Variants in ALCAM observed in about 807,000 individuals in gnomAD.
ALCAM encodes CD166 antigen.
ALCAM carries 30 observed loss-of-function variants against 70.9 expected under a neutral mutation model. That is an observed-to-expected ratio of 0.42 (90% CI 0.32 to 0.57). The LOEUF (loss-of-function observed/expected upper bound fraction) is 0.57. Among genes scored for constraint, ALCAM ranks in the 20% least tolerant of loss-of-function variants. The pLI is 0.11. For synonymous variants in ALCAM, 249 were observed against 242.5 expected (o/e 1.03, Z -0.25); for missense variants, 591 against 695.1 (o/e 0.85, Z 1.68).
chr3:105,483,994 TTTTC>T (rs1485803096), intron 1 of ALCAM, among the ~76,000 whole-genome samples: 1 of 152,102 alleles, frequency 6.6e-6, no homozygotes. Context: ...TTCTCATGTT[TTTTC>T]TTTATTTGTA....
At chr3:105,369,334 T>C (rs1352268288) in intron 1 of ALCAM, among the ~76,000 whole-genome samples, 1 of 152,168 alleles carries the variant, frequency 6.6e-6, no homozygotes, top group African/African-American at 2.4e-5. Flanking sequence ...GTGGTTCTTT[T>C]GGCGCCACAG....
intron 9 of ALCAM, among the ~76,000 whole-genome samples, chr3:105,546,185 T>A (rs1449964474): frequency 6.8e-6 from 1 of 147,968 alleles, no homozygotes; most frequent in African/African-American, 2.5e-5. Context: ...GAGCATGACA[T>A]GTGACAAGAA....
chr3:105,474,092 G>T (rs968880439), intron 1 of ALCAM, among the ~76,000 whole-genome samples: 2 of 151,476 alleles, frequency 1.3e-5, no homozygotes, highest in African/African-American at 2.4e-5. Flanking sequence ...TGTAGCATTT[G>T]GTTTCATTCT....
At chr3:105,405,526 A>G (rs544548686) in intron 1 of ALCAM, among the ~76,000 whole-genome samples, 1 of 152,272 alleles carries the variant, frequency 6.6e-6, no homozygotes, top group Non-Finnish European at 1.5e-5. Context: ...GACACAATGG[A>G]CTTAAACTAT....
intron 1 of ALCAM, among the ~76,000 whole-genome samples, chr3:105,434,181 A>C (rs1936999255): frequency 6.6e-6 from 1 of 152,194 alleles, no homozygotes. Context: ...TATGGAACTA[A>C]TAATGTGTTG....
intron 14 of ALCAM, among the ~76,000 whole-genome samples, chr3:105,565,720 G>C (rs770856604): frequency 3.9e-4 from 59 of 152,288 alleles, no homozygotes; most frequent in Admixed American, 1.6e-3. Flanking sequence ...TTGACAGGTA[G>C]CCAAGTTACT....
At chr3:105,395,226 T>C (rs1576131831) in intron 1 of ALCAM, among the ~76,000 whole-genome samples, 1 of 151,972 alleles carries the variant, frequency 6.6e-6, no homozygotes, top group Non-Finnish European at 1.5e-5. Context: ...TTAAAATATA[T>C]ATTTAGTGAC....
intron 1 of ALCAM, among the ~76,000 whole-genome samples, chr3:105,370,788 C>T (rs1049816269): frequency 6.6e-6 from 1 of 151,664 alleles, no homozygotes; most frequent in Non-Finnish European, 1.5e-5. Context: ...AAAGAGGACC[C>T]AAAAGTAAGA....
chr3:105,503,978 T>A (rs1388698852), intron 1 of ALCAM, among the ~76,000 whole-genome samples: 1 of 152,216 alleles, frequency 6.6e-6, no homozygotes. Context: ...GCATATAATC[T>A]CCATTATTCC....
intron 1 of ALCAM, among the ~76,000 whole-genome samples, chr3:105,368,662 A>AT (rs1935144977): frequency 6.6e-6 from 1 of 152,002 alleles, no homozygotes; most frequent in South Asian, 2.1e-4. Flanking sequence ...AAGCCTCTGA[A>AT]TCTCTCCCAG....
chr3:105,445,125 A>G (rs567093075), intron 1 of ALCAM, among the ~76,000 whole-genome samples: 1 of 152,346 alleles, frequency 6.6e-6, no homozygotes, highest in South Asian at 2.1e-4. Flanking sequence ...AAAATTAATC[A>G]AGCTGTCCTA....
intron 2 of ALCAM, among the ~76,000 whole-genome samples, 172 bp from the exon 3 acceptor site, chr3:105,524,117 A>G (rs913409363): frequency 1.3e-5 from 2 of 152,164 alleles, no homozygotes; most frequent in Non-Finnish European, 2.9e-5. Context: ...CTTCTCTCTT[A>G]TGAAGGATTT....
chr3:105,404,072 C>A (rs984579232), intron 1 of ALCAM, among the ~76,000 whole-genome samples: 24 of 151,762 alleles, frequency 1.6e-4, no homozygotes, highest in African/African-American at 5.6e-4. Context: ...AACAAAGCCT[C>A]GAAGAAGTTT....
rs969641769 is a variant in ALCAM at position 105,410,651 on chromosome 3, A to G, written c.73+43170A>G. On this transcript the variant is annotated intron_variant, in intron 1 of 15. Transcript: ENST00000306107. Reference sequence around the variant, plus strand: ...AAATGCTAACTCATTTATTCTGTTTACCTTTCCGAGGCAGGCAGGTTCAAT... The same window carrying G: ...AAATGCTAACTCATTTATTCTGTTTGCCTTTCCGAGGCAGGCAGGTTCAAT... Among the ~76,000 whole-genome samples the G allele has an allele frequency of 5.3e-5, 8 of 152,034 alleles. 1 individual carries two copies. The highest frequency in any genetic ancestry group is 1.9e-4 in the African/African-American group (8 of 41,414).
At chr3:105,517,562 G>T (rs189528133) in intron 1 of ALCAM, among the ~76,000 whole-genome samples, 1 of 152,244 alleles carries the variant, frequency 6.6e-6, no homozygotes. Context: ...GACATTTCAT[G>T]ATATCATTTG....
intron 1 of ALCAM, among the ~76,000 whole-genome samples, chr3:105,445,716 T>A (rs930395895): frequency 6.6e-6 from 1 of 152,102 alleles, no homozygotes; most frequent in Non-Finnish European, 1.5e-5. Context: ...AGGTGCCAAG[T>A]ATACACGTGA....
At chr3:105,404,002 A>G (rs921627984) in intron 1 of ALCAM, among the ~76,000 whole-genome samples, 3 of 151,370 alleles carry the variant, frequency 2.0e-5, no homozygotes, top group Admixed American at 1.3e-4. Flanking sequence ...GAGCTCAAAG[A>G]CAAGTCTTTT....
At chr3:105,393,884 A>G (rs1235099953) in intron 1 of ALCAM, among the ~76,000 whole-genome samples, 1 of 147,444 alleles carries the variant, frequency 6.8e-6, no homozygotes, top group Non-Finnish European at 1.5e-5. Flanking sequence ...CCATGAAGAT[A>G]CATGTAAGTT....
intron 1 of ALCAM, among the ~76,000 whole-genome samples, chr3:105,448,769 A>G (rs922505081): frequency 1.3e-5 from 2 of 152,172 alleles, no homozygotes; most frequent in African/African-American, 4.8e-5. Flanking sequence ...CCAGTCTGGC[A>G]GGGAACTCGC....
Sources: allele counts gnomAD v4.1 joint callset (sites outside exome capture counted in the v4.1 genomes callset), GRCh38; gene constraint gnomAD v4.1.1; transcripts MANE v1.5; gene names NCBI Gene and HGNC (gene_info 2026-07-23, HGNC 2026-07-21).